Variants in AGPAT3 observed in about 807,000 individuals in gnomAD.
The protein encoded by AGPAT3 is 1-acyl-sn-glycerol-3-phosphate acyltransferase gamma.
Under a neutral mutation model 47.3 loss-of-function variants are expected in AGPAT3, and 5 were observed. That is an observed-to-expected ratio of 0.11 (90% CI 0.06 to 0.22). The LOEUF (loss-of-function observed/expected upper bound fraction) is 0.22. Ranked by LOEUF, AGPAT3 falls within the 10% of genes least tolerant of loss-of-function variation. The pLI is 1.00. For synonymous variants in AGPAT3, 212 were observed against 208.3 expected, an observed-to-expected ratio of 1.02 and a Z score of -0.15; for missense variants, 315 against 493.0, an observed-to-expected ratio of 0.64 and a Z score of 3.42.
chr21:43,947,239 A>G (rs1172478670), intron 2 of AGPAT3, among the ~76,000 whole-genome samples: 1 of 152,104 alleles, frequency 6.6e-6, no homozygotes, highest in Non-Finnish European at 1.5e-5. Flanking sequence ...TGGGGAAATA[A>G]CTCTAGGACC....
Position 43,955,633 on chromosome 21 carries a change from C to T in AGPAT3, c.-48-4001C>T, listed in dbSNP as rs909314238. Among the ~76,000 whole-genome samples, 9 of 151,718 alleles carry T rather than the reference C, an allele frequency of 5.9e-5. No individual in the cohort carries two copies. Among genetic ancestry groups the T allele is most frequent in the Middle Eastern group, 6.8e-3 (2 of 292 alleles). On this transcript the variant is annotated intron_variant, in intron 2 of 9. Coordinates refer to ENST00000291572, the MANE Select transcript of AGPAT3 (RefSeq NM_020132.5). The surrounding 1 kb of genome is among the most constrained non-coding windows in gnomAD (Gnocchi z 4.1). ...TAAAAATAAACGTCATGACTGGGTG[C>T]GGTGGCTCACACCTGTAATCCCAGC...
At chr21:43,898,590 A>G (rs892650925) in intron 1 of AGPAT3, among the ~76,000 whole-genome samples, 6 of 152,106 alleles carry the variant, frequency 3.9e-5, no homozygotes, top group African/African-American at 1.4e-4. Flanking sequence ...GCAGTGGGCC[A>G]ATCTTGGCTC....
At chr21:43,958,718 TGTG>T (rs2088621568) in intron 2 of AGPAT3, among the ~76,000 whole-genome samples, 1 of 149,346 alleles carries the variant, frequency 6.7e-6, no homozygotes, top group African/African-American at 2.5e-5. Flanking sequence ...TGGTTTGTGA[TGTG>T]TGGTGTGTGT....
At chr21:43,877,111 G>A (rs2085751230) in intron 1 of AGPAT3, among the ~76,000 whole-genome samples, 1 of 152,124 alleles carries the variant, frequency 6.6e-6, no homozygotes, top group Non-Finnish European at 1.5e-5. Context: ...CGCTTGCCTT[G>A]GCCTCCCGAA....
chr21:43,974,750 T>C (rs1323965106), intron 7 of AGPAT3, among the ~76,000 whole-genome samples: 1 of 152,002 alleles, frequency 6.6e-6, no homozygotes, highest in Non-Finnish European at 1.5e-5. Flanking sequence ...GTGTACGACA[T>C]GGGGCTGTGT....
chr21:43,868,254 A>G lies in AGPAT3; in HGVS notation c.-112+2909A>G, dbSNP rs546664427. On this transcript the variant is annotated intron_variant, in intron 1 of 9. Coordinates refer to ENST00000291572, the MANE Select transcript of AGPAT3 (RefSeq NM_020132.5). ...TTAGGGTGCATGGATGCTGGGGTTAAATTGGCCACGTCTTTTCCCAAGCCT... is the reference window on the plus strand; with the variant it reads ...TTAGGGTGCATGGATGCTGGGGTTAGATTGGCCACGTCTTTTCCCAAGCCT... Among the ~76,000 whole-genome samples, 5 of 152,320 alleles carry G rather than the reference A, an allele frequency of 3.3e-5. No individual in the cohort carries two copies. In the East Asian group the frequency reaches 5.8e-4, roughly 18 times the overall value.
rs1016856017 is a variant in AGPAT3 at position 43,865,300 on chromosome 21, C to G, written c.-157C>G. ...GGCGGCCAGAGCGGGGCCGCGGAGG[C>G]GACGCCGGGGACGCCCGCGCGACGA... On this transcript the variant is annotated 5_prime_UTR_variant, in exon 1 of 10. Coordinates refer to ENST00000291572, the MANE Select transcript of AGPAT3 (RefSeq NM_020132.5). The G allele has an allele frequency of 1.4e-5, 2 of 146,746 alleles. No individual in the cohort carries two copies. Among genetic ancestry groups the G allele is most frequent in the Non-Finnish European group, 3.0e-5 (2 of 65,824 alleles). 9.1% of individuals were successfully genotyped at this position (146,746 alleles called of 1,614,324 possible). A position where few individuals can be genotyped will look rare whatever the true frequency, so the allele number is the denominator to read the frequency against.
chr21:43,948,890 A>G (rs1237616419), intron 2 of AGPAT3, among the ~76,000 whole-genome samples: 1 of 152,220 alleles, frequency 6.6e-6, no homozygotes, highest in Non-Finnish European at 1.5e-5. Context: ...CTGCAGATCC[A>G]CACCCTGCTC....
intron 2 of AGPAT3, among the ~76,000 whole-genome samples, chr21:43,942,320 T>G (rs1197702603): frequency 6.6e-6 from 1 of 152,064 alleles, no homozygotes; most frequent in Non-Finnish European, 1.5e-5. Flanking sequence ...GCACCACGGG[T>G]CCAGGGAGGC....
At chr21:43,967,781 G>C in intron 3 of AGPAT3, 165 bp from the exon 4 acceptor site, 1 of 678,740 alleles carries the variant, frequency 1.5e-6, no homozygotes, top group South Asian at 2.1e-5. Flanking sequence ...CTTAGAGAAA[G>C]TTATTGTAAT....
intron 1 of AGPAT3, among the ~76,000 whole-genome samples, chr21:43,870,212 A>T (rs2085593589): frequency 6.6e-6 from 1 of 152,214 alleles, no homozygotes. Flanking sequence ...TTTCAAATGC[A>T]CTACAGCGAT....
Position 43,986,200 on chromosome 21 carries a change from T to C in AGPAT3, c.*3808T>C, listed in dbSNP as rs765525581. ...GGGTGGACACATGAATTCAGTTTTA[T>C]CATGAACACTCGCCACTGGCTGCTT... is the stretch of plus-strand genomic sequence containing the variant. On this transcript the variant is annotated 3_prime_UTR_variant, in exon 10 of 10. Transcript: ENST00000291572. The C allele has an allele frequency of 6.6e-6, 1 of 152,260 alleles. No individual in the cohort carries two copies. Among genetic ancestry groups the C allele is most frequent in the Non-Finnish European group, 1.5e-5 (1 of 68,036 alleles). The allele number at this position is 152,260 out of a possible 1,614,324, so 9.4% of individuals were successfully genotyped here.
chr21:43,887,367 C>A (rs955155595), intron 1 of AGPAT3, among the ~76,000 whole-genome samples: 4 of 152,206 alleles, frequency 2.6e-5, no homozygotes, highest in Admixed American at 1.3e-4. Context: ...GAAACAGCAA[C>A]TATCTCAGTG....
chr21:43,978,976 G>A (rs1224922631), intron 8 of AGPAT3, among the ~76,000 whole-genome samples: 7 of 152,258 alleles, frequency 4.6e-5, no homozygotes, highest in African/African-American at 1.7e-4. Context: ...AAATATCATC[G>A]TAAATGCATT....
chr21:43,981,435 G>A lies in AGPAT3; in HGVS notation c.1042+248G>A, dbSNP rs2089847584. ...CGCCATCCCCACTGCAGCCCCACTG[G>A]CTGGCGCCCTTGAGGATGCCGACGA... On this transcript the variant is annotated intron_variant, in intron 9 of 9. Coordinates refer to ENST00000291572, the MANE Select transcript of AGPAT3 (RefSeq NM_020132.5). The surrounding 1 kb of genome is among the most constrained non-coding windows in gnomAD (Gnocchi z 5.3). 5.3e-6 allele frequency: 3 copies of A among 567,814 alleles called. No individual in the cohort carries two copies. The South Asian group carries it at 6.2e-5, about 12-fold the overall frequency. 35.2% of individuals were successfully genotyped at this position (567,814 alleles called of 1,614,324 possible). A position where few individuals can be genotyped will look rare whatever the true frequency, so the allele number is the denominator to read the frequency against.
chr21:43,940,206 T>A (rs1044637920), intron 2 of AGPAT3, among the ~76,000 whole-genome samples: 7 of 152,288 alleles, frequency 4.6e-5, no homozygotes, highest in Middle Eastern at 3.4e-3. Context: ...TCCCCGCAGG[T>A]CCTTCTCGCC....
rs1423548497 is a variant in AGPAT3 at position 43,985,014 on chromosome 21, C to A, written c.*2622C>A. ...GGAAGGGCATTGCTGGCCTGTAGCTCCTGTTACCCACCCAGAGCCAGGCGC... is the reference window on the plus strand; with the variant it reads ...GGAAGGGCATTGCTGGCCTGTAGCTACTGTTACCCACCCAGAGCCAGGCGC... On this transcript the variant is annotated 3_prime_UTR_variant, in exon 10 of 10. Transcript: ENST00000291572. The A allele has an allele frequency of 2.3e-6, 1 of 434,558 alleles. No homozygotes were observed. Among genetic ancestry groups the A allele is most frequent in the Non-Finnish European group, 4.6e-6 (1 of 215,916 alleles). The allele number at this position is 434,558 out of a possible 1,614,324, so 26.9% of individuals were successfully genotyped here. A position where few individuals can be genotyped will look rare whatever the true frequency, so the allele number is the denominator to read the frequency against.
intron 2 of AGPAT3, among the ~76,000 whole-genome samples, chr21:43,916,901 C>T (rs1385248334): frequency 1.3e-5 from 2 of 152,134 alleles, no homozygotes; most frequent in African/African-American, 2.4e-5. Context: ...AGCGGATAGC[C>T]GGGGAAGTTG....
chr21:43,895,133 C>T (rs2086185941), intron 1 of AGPAT3, among the ~76,000 whole-genome samples: 1 of 150,732 alleles, frequency 6.6e-6, no homozygotes, highest in Admixed American at 6.6e-5. Context: ...GAGACAGAGT[C>T]TTGCTCTGTC....
Sources: gnomAD v4.1 joint callset for allele counts (sites outside exome capture counted in the v4.1 genomes callset) on GRCh38, gnomAD v4.1.1 for gene constraint, Gnocchi (gnomAD v3.1) non-coding constraint, MANE v1.5 for transcripts, NCBI Gene and HGNC (gene_info 2026-07-23, HGNC 2026-07-21) for gene names.